Variants in CADPS observed in about 807,000 individuals in gnomAD.
The protein encoded by CADPS is calcium-dependent secretion activator 1.
In CADPS, 57 loss-of-function variants were observed where a neutral mutation model predicts 167.3. The observed-to-expected ratio is 0.34, with a 90% CI of 0.28 to 0.42. The LOEUF (loss-of-function observed/expected upper bound fraction) is 0.42, where lower values mean the gene tolerates loss of function less well. Among genes scored for constraint, CADPS ranks in the 20% least tolerant of loss-of-function variants. CADPS has a pLI of 1.00. For missense variants in CADPS, 1,414 were observed against 1,738.1 expected (o/e 0.81, Z 3.32); for synonymous variants, 676 against 635.3 (o/e 1.06, Z -0.96).
At chr3:62,782,750 A>G (rs1166833384) in intron 1 of CADPS, among the ~76,000 whole-genome samples, 1 of 148,780 alleles carries the variant, frequency 6.7e-6, no homozygotes, top group Non-Finnish European at 1.5e-5. Context: ...CATATAGTGT[A>G]GCATTTCTTT....
chr3:62,559,644 G>T (rs567748026), intron 9 of CADPS, among the ~76,000 whole-genome samples: 1 of 152,008 alleles, frequency 6.6e-6, no homozygotes. Context: ...ACAGGCATGC[G>T]CCACCATGTC....
chr3:62,640,498 G>A (rs772621540), intron 6 of CADPS, among the ~76,000 whole-genome samples: 4 of 152,108 alleles, frequency 2.6e-5, no homozygotes, highest in Non-Finnish European at 5.9e-5. Flanking sequence ...TTTTGGTTTT[G>A]TCTTTTGTCT....
intron 28 of CADPS, among the ~76,000 whole-genome samples, chr3:62,406,711 CT>C (rs1708638818): frequency 6.6e-6 from 1 of 152,144 alleles, no homozygotes; most frequent in Non-Finnish European, 1.5e-5. Flanking sequence ...GCCTGGGCAC[CT>C]TTAAAATATG....
intron 4 of CADPS, among the ~76,000 whole-genome samples, chr3:62,659,642 C>A (rs1332899580): frequency 6.6e-6 from 1 of 152,170 alleles, no homozygotes; most frequent in African/African-American, 2.4e-5. Context: ...AAGACAACAG[C>A]CTTGCTGACC....
At chr3:62,696,383 C>G (rs1911184) in intron 3 of CADPS, among the ~76,000 whole-genome samples, 117 of 152,004 alleles carry the variant, frequency 7.7e-4, no homozygotes, top group African/African-American at 2.8e-3. Context: ...GTTTGCCACA[C>G]TGTCAATACT....
At chr3:62,759,689 A>T (rs1245082319) in intron 2 of CADPS, among the ~76,000 whole-genome samples, 1 of 152,146 alleles carries the variant, frequency 6.6e-6, no homozygotes, top group Non-Finnish European at 1.5e-5. Flanking sequence ...GCATAGATAC[A>T]TTGAAAGTAC....
rs185042172 is a variant in CADPS at position 62,492,392 on chromosome 3, G to A, written c.2782C>T (p.Leu928Phe). 2.6e-5 allele frequency: 42 copies of A among 1,614,090 alleles called. No individual in the cohort carries two copies. The African/African-American group carries it at 3.7e-4, about 14-fold the overall frequency. Residue 928 changes from leucine to phenylalanine, a missense_variant, in exon 20 of 30, where the codon CTC becomes TTC. Leu to Phe is a conservative substitution (Grantham distance 22). Around this residue, in one of 6 missense-constraint regions of CADPS, gnomAD observed 529 missense variants for 629.6 expected, o/e 0.84. Transcript: ENST00000383710. Reference protein sequence around the residue: ...MVEHAETFLSLFAVDMDAALE... With the variant: ...MVEHAETFLSFFAVDMDAALE... ...GCTGCATCCATGTCTACTGCAAAGA[G>A]TGACAGGAACGTCTCCGCATGCTCC...
chr3:62,526,252 C>A (rs1279532685), intron 13 of CADPS, among the ~76,000 whole-genome samples: 4 of 152,162 alleles, frequency 2.6e-5, no homozygotes, highest in Non-Finnish European at 4.4e-5. Flanking sequence ...ATCTTTAGAG[C>A]ACACTGCCAG....
intron 3 of CADPS, among the ~76,000 whole-genome samples, chr3:62,724,635 G>A (rs961896948): frequency 3.9e-5 from 6 of 152,068 alleles, no homozygotes; most frequent in Non-Finnish European, 7.3e-5. Flanking sequence ...GGTGTTATGC[G>A]TCACACACAC....
At chr3:62,497,631 T>C (rs2065044410) in intron 18 of CADPS, among the ~76,000 whole-genome samples, 1 of 152,232 alleles carries the variant, frequency 6.6e-6, no homozygotes, top group Non-Finnish European at 1.5e-5. Flanking sequence ...AGATGCTGCA[T>C]GAATTAGTTC....
At chr3:62,690,426 A>G (rs2078892923) in intron 3 of CADPS, among the ~76,000 whole-genome samples, 1 of 152,010 alleles carries the variant, frequency 6.6e-6, no homozygotes, top group African/African-American at 2.4e-5. Context: ...GAACTTTTTC[A>G]GCATTAGAGA....
intron 24 of CADPS, among the ~76,000 whole-genome samples, chr3:62,467,028 C>T (rs1478291152): frequency 6.6e-6 from 1 of 152,148 alleles, no homozygotes; most frequent in East Asian, 1.9e-4. Flanking sequence ...AGTATGAGAG[C>T]CTACACTGAG....
chr3:62,582,631 C>T (rs542854495), intron 8 of CADPS, among the ~76,000 whole-genome samples: 2 of 152,226 alleles, frequency 1.3e-5, no homozygotes, highest in South Asian at 4.1e-4. Flanking sequence ...GTTGCTCATC[C>T]CTGATTTAGG....
intron 3 of CADPS, among the ~76,000 whole-genome samples, chr3:62,711,219 GTATT>G (rs1185028401): frequency 1.4e-4 from 22 of 152,024 alleles, no homozygotes; most frequent in African/African-American, 7.2e-5. Context: ...TTAATAATAG[GTATT>G]TATTTATTCA....
intron 17 of CADPS, among the ~76,000 whole-genome samples, chr3:62,503,876 T>C (rs2066181217): frequency 6.6e-6 from 1 of 152,142 alleles, no homozygotes; most frequent in Non-Finnish European, 1.5e-5. Flanking sequence ...CTTTAATGAG[T>C]GTCTCATTAA....
At chr3:62,774,284 C>T (rs182491888) in intron 1 of CADPS, among the ~76,000 whole-genome samples, 32 of 151,098 alleles carry the variant, frequency 2.1e-4, no homozygotes, top group African/African-American at 5.8e-4. Flanking sequence ...AACCCGATAA[C>T]ATTAAAAAAA....
chr3:62,429,539 T>C (rs950898619), intron 28 of CADPS, among the ~76,000 whole-genome samples: 1 of 152,302 alleles, frequency 6.6e-6, no homozygotes, highest in South Asian at 2.1e-4. Flanking sequence ...TTTGAGGATT[T>C]AACACAGCTC....
At chr3:62,631,424 G>A (rs2149707568) in intron 6 of CADPS, among the ~76,000 whole-genome samples, 1 of 152,256 alleles carries the variant, frequency 6.6e-6, no homozygotes, top group East Asian at 1.9e-4. Context: ...TCCTGTGAAA[G>A]ACCTGGAAAA....
Position 62,557,087 on chromosome 3 carries a change from A to AT in CADPS, c.1753+317dup, listed in dbSNP as rs997225147. Among the ~76,000 whole-genome samples the AT allele has an allele frequency of 3.2e-4, 48 of 147,992 alleles. No individual in the cohort carries two copies. The East Asian group carries it at 7.1e-3, about 22-fold the overall frequency. On this transcript the variant is annotated intron_variant, in intron 10 of 29. Coordinates refer to ENST00000383710, the MANE Select transcript of CADPS (RefSeq NM_003716.4). ...CATGTGGGACTACTTCTTTTTCAGA[A>AT]TTTTTTTTTTAGCATTGTATGGTGG...
Sources: gnomAD v4.1 joint callset for allele counts (sites outside exome capture counted in the v4.1 genomes callset) on GRCh38, gnomAD v4.1.1 for gene constraint, gnomAD v4.1.1 regional missense constraint, MANE v1.5 for transcripts, NCBI Gene and HGNC (gene_info 2026-07-23, HGNC 2026-07-21) for gene names.